The following QTMAN variants were observed in gnomAD, a reference collection of about 807,000 sequenced individuals.
The protein encoded by QTMAN is queuosine-tRNA mannosyltransferase, also known as tRNA-queuosine alpha-mannosyltransferase.
chr2:144,294,858 G>T, the QTMAN span, among the ~76,000 whole-genome samples: 13 of 152,090 alleles, frequency 8.5e-5, no homozygotes, highest in Admixed American at 7.9e-4. Context: ...AAAGAAGAAA[G>T]GGAGGACCCT....
At chr2:144,061,765 AC>A in the QTMAN span, among the ~76,000 whole-genome samples, 1 of 151,796 alleles carries the variant, frequency 6.6e-6, no homozygotes, top group African/African-American at 2.4e-5. Context: ...GGCCTGCCAC[AC>A]CCCCCATCCT....
At chr2:144,275,261 G>A in the QTMAN span, among the ~76,000 whole-genome samples, 2 of 152,018 alleles carry the variant, frequency 1.3e-5, no homozygotes, top group East Asian at 3.9e-4. Context: ...GCAGGTGCCT[G>A]TAATCCCAGC....
the QTMAN span, chr2:143,957,382 G>A: frequency 2.3e-6 from 3 of 1,315,416 alleles, no homozygotes; most frequent in African/African-American, 3.0e-5. Flanking sequence ...TTAATATAGT[G>A]TAAAATGATA....
At chr2:144,055,409 G>GT in the QTMAN span, among the ~76,000 whole-genome samples, 405 of 143,098 alleles carry the variant, frequency 2.8e-3, no homozygotes, top group African/African-American at 7.0e-3. Context: ...TTCAAGTGGA[G>GT]TTTTTTTTTT....
the QTMAN span, among the ~76,000 whole-genome samples, chr2:144,075,119 T>A: frequency 7.9e-5 from 12 of 152,204 alleles, no homozygotes; most frequent in Non-Finnish European, 1.8e-4. Flanking sequence ...GATTCTACCT[T>A]ACTCATCTAA....
At chr2:143,959,932 T>C in the QTMAN span, among the ~76,000 whole-genome samples, 16 of 152,126 alleles carry the variant, frequency 1.1e-4, no homozygotes, top group Non-Finnish European at 2.2e-4. Flanking sequence ...CAATTGTGGC[T>C]AATGGTTGTG....
At chr2:144,001,251 T>C in the QTMAN span, among the ~76,000 whole-genome samples, 1 of 151,986 alleles carries the variant, frequency 6.6e-6, no homozygotes, top group South Asian at 2.1e-4. Context: ...TAATTTTCCA[T>C]TTTATATCAA....
chr2:144,002,547 C>A, the QTMAN span, among the ~76,000 whole-genome samples: 4 of 151,968 alleles, frequency 2.6e-5, no homozygotes, highest in Admixed American at 2.6e-4. Flanking sequence ...CTTAGCTTGA[C>A]AGCTTCTCAT....
At chr2:144,152,401 T>G in the QTMAN span, among the ~76,000 whole-genome samples, 3 of 152,232 alleles carry the variant, frequency 2.0e-5, no homozygotes, top group African/African-American at 7.2e-5. Context: ...GTCACTTAAA[T>G]TCAGGTGTCT....
At chr2:143,994,562 A>C in the QTMAN span, among the ~76,000 whole-genome samples, 2 of 152,232 alleles carry the variant, frequency 1.3e-5, no homozygotes, top group African/African-American at 2.4e-5. Flanking sequence ...CAGCATTAGA[A>C]AGGAAAGGAC....
the QTMAN span, among the ~76,000 whole-genome samples, chr2:144,043,067 G>A: frequency 6.6e-6 from 1 of 152,254 alleles, no homozygotes; most frequent in East Asian, 1.9e-4. Flanking sequence ...GAGGAAGACA[G>A]CATCTGTCCC....
the QTMAN span, among the ~76,000 whole-genome samples, chr2:144,014,246 T>C: frequency 6.6e-6 from 1 of 152,210 alleles, no homozygotes; most frequent in African/African-American, 2.4e-5. Flanking sequence ...GGCAGAACAT[T>C]ATTTAAATAA....
At chr2:144,002,093 A>G in the QTMAN span, among the ~76,000 whole-genome samples, 1 of 151,970 alleles carries the variant, frequency 6.6e-6, no homozygotes, top group East Asian at 1.9e-4. Context: ...ACAATGGTGA[A>G]TAAAGCTGCT....
the QTMAN span, among the ~76,000 whole-genome samples, chr2:144,184,750 T>C: frequency 6.6e-6 from 1 of 152,164 alleles, no homozygotes; most frequent in African/African-American, 2.4e-5. Flanking sequence ...TGTTATTTCA[T>C]TTGCATACAG....
At chr2:144,300,366 G>C in the QTMAN span, among the ~76,000 whole-genome samples, 4 of 151,998 alleles carry the variant, frequency 2.6e-5, no homozygotes, top group Non-Finnish European at 5.9e-5. Context: ...AAATGAACAA[G>C]CGGGGAAAAA....
chr2:144,220,391 C>CT, the QTMAN span, among the ~76,000 whole-genome samples: 2 of 152,178 alleles, frequency 1.3e-5, no homozygotes, highest in African/African-American at 4.8e-5. Context: ...GAAGCACGGG[C>CT]TTTCCCATAT....
the QTMAN span, among the ~76,000 whole-genome samples, chr2:144,068,937 CTTT>C: frequency 6.6e-6 from 1 of 152,126 alleles, no homozygotes; most frequent in East Asian, 1.9e-4. Flanking sequence ...TATTATCGCC[CTTT>C]ATCATTTAGT....
the QTMAN span, among the ~76,000 whole-genome samples, chr2:144,298,265 G>A: frequency 6.6e-6 from 1 of 151,808 alleles, no homozygotes; most frequent in East Asian, 2.0e-4. Context: ...TGATCCGCCT[G>A]CCTTGGCCTC....
the QTMAN span, among the ~76,000 whole-genome samples, chr2:144,330,673 C>T: frequency 6.6e-6 from 1 of 152,166 alleles, no homozygotes; most frequent in East Asian, 1.9e-4. Flanking sequence ...AAAAAAATTT[C>T]ATTTAATTAC....
Sources: allele counts gnomAD v4.1 joint callset (sites outside exome capture counted in the v4.1 genomes callset), GRCh38; gene constraint gnomAD v4.1.1; transcripts MANE v1.5; gene names NCBI Gene and HGNC (gene_info 2026-07-23, HGNC 2026-07-21).